Variants in KMT5B observed in about 807,000 individuals in gnomAD.
KMT5B encodes lysine methyltransferase 5B.
Under a neutral mutation model 83.2 loss-of-function variants are expected in KMT5B, and 10 were observed. That is an observed-to-expected ratio of 0.12 (90% CI 0.07 to 0.20). The LOEUF (loss-of-function observed/expected upper bound fraction) is 0.20. Ranked by LOEUF, KMT5B falls within the 10% of genes least tolerant of loss-of-function variation. KMT5B has a pLI of 1.00. For synonymous variants in KMT5B, 349 were observed against 388.8 expected (o/e 0.90, Z 1.20); for missense variants, 753 against 1,067.2 (o/e 0.71, Z 4.10).
At chr11:68,194,749 G>C (rs1004307245) in intron 1 of KMT5B, among the ~76,000 whole-genome samples, 1 of 152,144 alleles carries the variant, frequency 6.6e-6, no homozygotes, top group African/African-American at 2.4e-5. Context: ...TTTAAGACAA[G>C]AGCCAAAGAA....
chr11:68,210,981 T>A (rs755612836), intron 1 of KMT5B, among the ~76,000 whole-genome samples: 1 of 152,194 alleles, frequency 6.6e-6, no homozygotes, highest in Non-Finnish European at 1.5e-5. Flanking sequence ...CTGTAAGCCA[T>A]GGGAAGGGCA....
intron 3 of KMT5B, among the ~76,000 whole-genome samples, chr11:68,184,504 A>AG (rs1388524121): frequency 2.0e-5 from 3 of 152,232 alleles, no homozygotes; most frequent in Non-Finnish European, 2.9e-5. Flanking sequence ...TAAAATTAAA[A>AG]GGGGGGAAAC....
chr11:68,212,910 C>T (rs904959343), intron 1 of KMT5B, among the ~76,000 whole-genome samples: 3 of 147,032 alleles, frequency 2.0e-5, no homozygotes, highest in African/African-American at 7.4e-5. Flanking sequence ...CGCTACCGCT[C>T]CCTTCCGGCC....
At chr11:68,188,370 T>A (rs1857663754) in intron 2 of KMT5B, among the ~76,000 whole-genome samples, 1 of 140,200 alleles carries the variant, frequency 7.1e-6, no homozygotes, top group Admixed American at 7.3e-5. Flanking sequence ...TAAACAAGAG[T>A]CTCATTTTTT....
At chr11:68,160,515 G>T (rs537868280) in intron 10 of KMT5B, among the ~76,000 whole-genome samples, 24 of 152,196 alleles carry the variant, frequency 1.6e-4, no homozygotes, top group Non-Finnish European at 2.1e-4. Context: ...TAAAACATGG[G>T]TAAGCTCAGC....
intron 5 of KMT5B, among the ~76,000 whole-genome samples, chr11:68,174,390 C>A (rs1010314246): frequency 1.3e-5 from 2 of 152,150 alleles, no homozygotes; most frequent in African/African-American, 2.4e-5. Context: ...CTTTGAGTGT[C>A]AGGTCGGTGT....
chr11:68,196,969 T>C (rs1460263401), intron 1 of KMT5B, among the ~76,000 whole-genome samples: 3 of 150,812 alleles, frequency 2.0e-5, no homozygotes, highest in Non-Finnish European at 3.0e-5. Flanking sequence ...CCATGGAGAG[T>C]CTTTTTTTTT....
chr11:68,196,803 A>G (rs529240719), intron 1 of KMT5B, among the ~76,000 whole-genome samples: 1 of 152,282 alleles, frequency 6.6e-6, no homozygotes, highest in African/African-American at 2.4e-5. Flanking sequence ...CCTTTAGGAA[A>G]TCATCTGTAG....
At chr11:68,193,754 A>C (rs571369469) in intron 1 of KMT5B, among the ~76,000 whole-genome samples, 2 of 152,006 alleles carry the variant, frequency 1.3e-5, no homozygotes, top group East Asian at 3.9e-4. Context: ...TAATGATCAT[A>C]TATCTTACAC....
intron 1 of KMT5B, among the ~76,000 whole-genome samples, chr11:68,211,425 T>G (rs1301542255): frequency 6.6e-6 from 1 of 152,248 alleles, no homozygotes; most frequent in Admixed American, 6.5e-5. Flanking sequence ...AAGAAATATC[T>G]ACCATATTCC....
Position 68,158,743 on chromosome 11 carries a change from T to C in KMT5B, c.1603A>G (p.Thr535Ala). 1 of 1,614,172 alleles carries C rather than the reference T, an allele frequency of 6.2e-7. No individual in the cohort carries two copies. Among genetic ancestry groups the C allele is most frequent in the Non-Finnish European group, 8.5e-7 (1 of 1,180,022 alleles). Residue 535 changes from threonine (T) to alanine (A), a missense_variant, in exon 11 of 11, where the codon ACC becomes GCC. Physicochemically the swap from Thr to Ala is moderately conservative, Grantham distance 58. Around this residue, in one of 9 missense-constraint regions of KMT5B, gnomAD observed 397 missense variants for 395.9 expected, o/e 1.00. Transcript: ENST00000304363. ...CTCACTGACCGCCGAGTTATGTAGG[T>C]GCAGGGCGAGCTCTCCCCCTGCGAA... ...AHSQGESSPC[T>A]YITRRSVRTR...
At chr11:68,183,509 G>A (rs1394428453) in intron 3 of KMT5B, among the ~76,000 whole-genome samples, 1 of 151,194 alleles carries the variant, frequency 6.6e-6, no homozygotes. Flanking sequence ...AGGCGCATGT[G>A]GCCAGGCCCA....
At chr11:68,178,506 T>C (rs1239285811) in intron 4 of KMT5B, among the ~76,000 whole-genome samples, 1 of 152,184 alleles carries the variant, frequency 6.6e-6, no homozygotes, top group African/African-American at 2.4e-5. Flanking sequence ...TTGCTACCAA[T>C]AGCAAGAACC....
At position 68,158,726 on chromosome 11, in the gene KMT5B, C is replaced by A; in HGVS notation, c.1620G>T (p.Arg540=). The A allele has an allele frequency of 6.2e-7, 1 of 1,614,144 alleles. No individual in the cohort carries two copies. The highest frequency in any genetic ancestry group is 8.5e-7 in the Non-Finnish European group (1 of 1,180,030). The change falls in exon 11 of 11, where the codon CGG becomes CGT. Residue 540 remains arginine, a synonymous_variant. Transcript: ENST00000304363. ...TCAGATTTGTTCTTGTCCTCACTGA[C>A]CGCCGAGTTATGTAGGTGCAGGGCG... ...ESSPCTYITR[R]SVRTRTNLKE... is the part of the protein sequence containing the mutation.
At position 68,158,599 on chromosome 11, in the gene KMT5B, G is replaced by A. The variant is rs777868705; in HGVS notation, c.1747C>T (p.Pro583Ser). The A allele has an allele frequency of 3.7e-6, 6 of 1,614,022 alleles. No individual in the cohort carries two copies. The highest frequency in any genetic ancestry group is 2.2e-5 in the East Asian group (1 of 44,892). The change falls in exon 11 of 11, where the codon CCT (proline) becomes TCT (serine). Residue 583 changes from proline to serine, a missense_variant. Pro to Ser is a moderately conservative substitution (Grantham distance 74). Coordinates refer to ENST00000304363, the MANE Select transcript of KMT5B (RefSeq NM_017635.5). The part of the protein sequence containing the change: ...PDSGEQLQPA[P>S]VLQEEELAHE... ...GCCAGTTCTTCCTCCTGCAGCACAG[G>A]AGCTGGCTGCAGCTGTTCACCACTG... is the stretch of plus-strand genomic sequence containing the variant.
intron 9 of KMT5B, 51 bp downstream of exon 9, chr11:68,170,964 C>G: frequency 1.3e-6 from 2 of 1,531,874 alleles, no homozygotes; most frequent in Non-Finnish European, 8.8e-7. Flanking sequence ...TCCCCATAAT[C>G]AGGTTGTTAA....
intron 1 of KMT5B, among the ~76,000 whole-genome samples, chr11:68,211,510 C>T (rs909831484): frequency 4.2e-4 from 64 of 152,286 alleles, no homozygotes; most frequent in African/African-American, 1.5e-3. Flanking sequence ...TTTTGAAAAA[C>T]TAATACAAAC....
chr11:68,210,260 C>T (rs543510409), intron 1 of KMT5B, among the ~76,000 whole-genome samples: 4 of 151,844 alleles, frequency 2.6e-5, no homozygotes, highest in African/African-American at 9.7e-5. Flanking sequence ...GGGGGGGACA[C>T]TGATACCCTA....
At chr11:68,211,637 A>C (rs1054108758) in intron 1 of KMT5B, among the ~76,000 whole-genome samples, 11 of 152,332 alleles carry the variant, frequency 7.2e-5, no homozygotes, top group Non-Finnish European at 1.5e-4. Context: ...AAAACTCACG[A>C]GTAACCACCC....
Sources: allele counts gnomAD v4.1 joint callset (sites outside exome capture counted in the v4.1 genomes callset), GRCh38; gene constraint gnomAD v4.1.1; regional missense constraint gnomAD v4.1.1; transcripts MANE v1.5; gene names NCBI Gene and HGNC (gene_info 2026-07-23, HGNC 2026-07-21).